Variants in PHF2 observed in about 807,000 individuals in gnomAD.
PHF2 encodes the protein lysine-specific demethylase PHF2.
PHF2 carries 27 observed loss-of-function variants against 120.5 expected under a neutral mutation model. The observed-to-expected ratio is 0.22, with a 90% CI of 0.17 to 0.31. The LOEUF (loss-of-function observed/expected upper bound fraction) is 0.31, where lower values mean the gene tolerates loss of function less well. PHF2 is among the 10% of genes least tolerant of loss of function. The pLI, the probability that PHF2 is intolerant of heterozygous loss-of-function variation, is 1.00. For synonymous variants in PHF2, 568 were observed against 592.5 expected (o/e 0.96, Z 0.60); for missense variants, 1,024 against 1,434.8 (o/e 0.71, Z 4.63).
chr9:93,617,372 C>T (rs1825746070), intron 1 of PHF2, among the ~76,000 whole-genome samples: 1 of 152,220 alleles, frequency 6.6e-6, no homozygotes, highest in African/African-American at 2.4e-5. Flanking sequence ...GGGAAGAGCT[C>T]AGAAGAGTCG....
intron 4 of PHF2, 70 bp from the exon 5 acceptor site, chr9:93,649,001 A>G: frequency 6.6e-7 from 1 of 1,525,606 alleles, no homozygotes. Flanking sequence ...TGTCCACTCC[A>G]CACGTCCTGG....
At chr9:93,642,183 T>G (rs1196743121) in intron 3 of PHF2, among the ~76,000 whole-genome samples, 2 of 152,216 alleles carry the variant, frequency 1.3e-5, no homozygotes, top group Non-Finnish European at 2.9e-5. Flanking sequence ...CTGTAGGAGC[T>G]TCGTATTGAA....
At chr9:93,629,796 C>T (rs115751476) in intron 1 of PHF2, among the ~76,000 whole-genome samples, 174 bp from the exon 2 acceptor site, 27 of 151,746 alleles carry the variant, frequency 1.8e-4, no homozygotes, top group African/African-American at 5.8e-4. Context: ...GACATCTCTG[C>T]AGCTCTTTCC....
At chr9:93,606,789 A>G (rs1235768864) in intron 1 of PHF2, among the ~76,000 whole-genome samples, 5 of 152,212 alleles carry the variant, frequency 3.3e-5, no homozygotes, top group Non-Finnish European at 7.3e-5. Context: ...AAGGCCATCT[A>G]GATTTTCTCC....
At position 93,648,920 on chromosome 9, in the gene PHF2, C is replaced by T. The variant is rs1159917438; in HGVS notation, c.461-151C>T. On this transcript the variant is annotated intron_variant, in intron 4 of 21. Transcript: ENST00000359246. ...GGAAAAGCAGGCAGGTGAAGCTCGA[C>T]GTTGGCACCTAGAGCCTCCGCATCC... The T allele has an allele frequency of 1.2e-5, 9 of 739,772 alleles. 1 individual carries two copies. Among genetic ancestry groups the T allele is most frequent in the South Asian group, 3.6e-5 (2 of 55,792 alleles). 45.8% of individuals were successfully genotyped at this position (739,772 alleles called of 1,614,324 possible).
chr9:93,649,223 C>A lies in PHF2; in HGVS notation c.602+11C>A. ...GTTCTCTGACACCCGGTGAGTGCTA[C>A]CACCCTGGGGGTGTGGGGGCTGGGG... On this transcript the variant is annotated intron_variant, in intron 5 of 21. Coordinates refer to ENST00000359246, the MANE Select transcript of PHF2 (RefSeq NM_005392.4). 6.5e-7 allele frequency: 1 copy of A among 1,549,858 alleles called. No homozygotes were observed. Among genetic ancestry groups the A allele is most frequent in the African/African-American group, 1.4e-5 (1 of 73,032 alleles).
At chr9:93,631,230 C>G (rs536172032) in intron 2 of PHF2, among the ~76,000 whole-genome samples, 2 of 152,334 alleles carry the variant, frequency 1.3e-5, no homozygotes, top group East Asian at 3.9e-4. Flanking sequence ...GAGGACCTGG[C>G]TGCTCTTTCT....
Position 93,660,398 on chromosome 9 carries a change from T to TAAACCCCCC in PHF2, c.1538_1539insACCCCCCAA (p.Lys513_Pro515dup). 1 of 431,634 alleles carries TAAACCCCCC rather than the reference T, an allele frequency of 2.3e-6. No individual in the cohort carries two copies. The highest frequency in any genetic ancestry group is 3.4e-5 in the South Asian group (1 of 29,382). 26.7% of individuals were successfully genotyped at this position (431,634 alleles called of 1,614,324 possible). A position where few individuals can be genotyped will look rare whatever the true frequency, so the allele number is the denominator to read the frequency against. ...AAATCCCCAAGCCCCCGAAGCCCCC[T>TAAACCCCCC]AAGCCCCCAAGGCCCCCCAAAACGC... is the stretch of plus-strand genomic sequence containing the variant. On this transcript the variant is annotated inframe_insertion, in exon 12 of 22. Coordinates refer to ENST00000359246, the MANE Select transcript of PHF2 (RefSeq NM_005392.4).
chr9:93,678,879 A>T lies in PHF2; in HGVS notation c.*1203A>T, dbSNP rs141278460. 54 of 157,760 alleles carry T rather than the reference A, an allele frequency of 3.4e-4. No individual in the cohort carries two copies. Among genetic ancestry groups the T allele is most frequent in the East Asian group, 2.3e-3 (12 of 5,226 alleles). The allele number at this position is 157,760 out of a possible 1,614,324, so 9.8% of individuals were successfully genotyped here. A position where few individuals can be genotyped will look rare whatever the true frequency, so the allele number is the denominator to read the frequency against. ...CTTCTCCTTTCCTTTTATTATTATTATTTTTTTCTTTTAAGAACTAAGGTA... is the reference window on the plus strand; with the variant it reads ...CTTCTCCTTTCCTTTTATTATTATTTTTTTTTTCTTTTAAGAACTAAGGTA... On this transcript the variant is annotated 3_prime_UTR_variant, in exon 22 of 22. Transcript: ENST00000359246.
At chr9:93,616,650 A>G (rs1173695750) in intron 1 of PHF2, among the ~76,000 whole-genome samples, 1 of 117,074 alleles carries the variant, frequency 8.5e-6, no homozygotes, top group Non-Finnish European at 2.0e-5. Flanking sequence ...TTTCTCCTAT[A>G]ATTTTTTTTT....
rs1826616640 is a variant in PHF2, at chr9:93,663,485, GGCTCAGGGACGGCCCT to G, written c.1819-30_1819-15del. 2 of 1,376,172 alleles carry G rather than the reference GGCTCAGGGACGGCCCT, an allele frequency of 1.5e-6. No individual in the cohort carries two copies. Among genetic ancestry groups the G allele is most frequent in the Non-Finnish European group, 2.0e-6 (2 of 975,682 alleles). The allele number at this position is 1,376,172 out of a possible 1,614,324, so 85.2% of individuals were successfully genotyped here. On this transcript the variant is annotated splice_polypyrimidine_tract_variant and intron_variant, in intron 13 of 21. Coordinates refer to ENST00000359246, the MANE Select transcript of PHF2 (RefSeq NM_005392.4). ...GTCCTGACCCCCCACTTCTGTGTGG[GGCTCAGGGACGGCCCT>G]GGTCTTGCTTTTCAGAACAGCAAAC...
At chr9:93,630,354 C>G (rs541714445) in intron 2 of PHF2, among the ~76,000 whole-genome samples, 2 of 152,258 alleles carry the variant, frequency 1.3e-5, no homozygotes, top group Non-Finnish European at 2.9e-5. Flanking sequence ...TAGGGGGACA[C>G]GGACTTGGGG....
chr9:93,616,954 C>A (rs1825739558), intron 1 of PHF2, among the ~76,000 whole-genome samples: 1 of 152,030 alleles, frequency 6.6e-6, no homozygotes, highest in South Asian at 2.1e-4. Flanking sequence ...CTGCACCCAG[C>A]CAATTTTTTT....
intron 12 of PHF2, among the ~76,000 whole-genome samples, chr9:93,662,500 TGAATGGGATGAAC>T (rs1223184629): frequency 4.7e-5 from 7 of 148,496 alleles, no homozygotes; most frequent in Admixed American, 4.7e-4. Flanking sequence ...GGTGGGTGGA[TGAATGGGATGAAC>T]GAATGGATGG....
At position 93,656,943 on chromosome 9, in the gene PHF2, C is replaced by T. The variant is rs527565548; in HGVS notation, c.1147+348C>T. ...GGAGGGTGGAGCCCTGGCTCTGTCACCAGCTGAGGAGTGGGTGCGAGTGGG... is the reference window on the plus strand; with the variant it reads ...GGAGGGTGGAGCCCTGGCTCTGTCATCAGCTGAGGAGTGGGTGCGAGTGGG... On this transcript the variant is annotated intron_variant, in intron 9 of 21. Coordinates refer to ENST00000359246, the MANE Select transcript of PHF2 (RefSeq NM_005392.4). The surrounding 1 kb of genome is among the most constrained non-coding windows in gnomAD (Gnocchi z 4.1). Among the ~76,000 whole-genome samples, 142 of 152,246 alleles carry T rather than the reference C, an allele frequency of 9.3e-4. No homozygotes were observed. The highest frequency in any genetic ancestry group is 1.8e-3 in the Non-Finnish European group (120 of 68,014).
rs1826918951 is a variant in PHF2 at position 93,676,710 on chromosome 9, AGCCTCTACCACCCCG to A, written c.2955_2969del (p.Thr992_Thr996del). Reference sequence around the variant, plus strand: ...GCACCACCTCCACCTCCACCACGCCAGCCTCTACCACCCCGGCCTCCACCACCCCGGCCTCCACCA... The same window carrying A: ...GCACCACCTCCACCTCCACCACGCCAGCCTCCACCACCCCGGCCTCCACCA... On this transcript the variant is annotated inframe_deletion, in exon 21 of 22. Transcript: ENST00000359246. 1 of 597,104 alleles carries A rather than the reference AGCCTCTACCACCCCG, an allele frequency of 1.7e-6. No homozygotes were observed. The highest frequency in any genetic ancestry group is 2.8e-6 in the Non-Finnish European group (1 of 357,642). 37.0% of individuals were successfully genotyped at this position (597,104 alleles called of 1,614,324 possible).
intron 11 of PHF2, 89 bp from the exon 12 acceptor site, chr9:93,660,103 C>T (rs187669843): frequency 4.2e-6 from 6 of 1,428,966 alleles, no homozygotes; most frequent in African/African-American, 1.4e-5. Context: ...CAGCCTGGCA[C>T]TGAGTGTCTC....
In PHF2 at chr9:93,674,036, C is replaced by T. The variant is rs149751532; in HGVS notation, c.2626+174C>T. ...AGACCCTCCTGTGAGCGAGACTGGC[C>T]GGGGCCCACATCTGGTGGACAGGCT... is the stretch of plus-strand genomic sequence containing the variant. On this transcript the variant is annotated intron_variant, in intron 18 of 21. Coordinates refer to ENST00000359246, the MANE Select transcript of PHF2 (RefSeq NM_005392.4). Among the ~76,000 whole-genome samples the T allele has an allele frequency of 1.7e-3, 259 of 152,308 alleles. 1 individual carries two copies. The highest frequency in any genetic ancestry group is 3.2e-3 in the Non-Finnish European group (219 of 68,030).
chr9:93,676,416 G>T (rs950310260), intron 20 of PHF2, among the ~76,000 whole-genome samples, 178 bp from the exon 21 acceptor site: 2 of 152,204 alleles, frequency 1.3e-5, no homozygotes, highest in Non-Finnish European at 2.9e-5. Context: ...TGCTGTGGGT[G>T]CTGGCGCCCT....
Sources: allele counts gnomAD v4.1 joint callset (sites outside exome capture counted in the v4.1 genomes callset), GRCh38; gene constraint gnomAD v4.1.1; non-coding constraint Gnocchi (gnomAD v3.1); transcripts MANE v1.5; gene names NCBI Gene and HGNC (gene_info 2026-07-23, HGNC 2026-07-21).